Variants in ACVR1 observed in about 807,000 individuals in gnomAD.
ACVR1 encodes the protein activin receptor type-1.
In ACVR1, 38 loss-of-function variants were observed where a neutral mutation model predicts 57.1. That is an observed-to-expected ratio of 0.67 (90% CI 0.51 to 0.87). The LOEUF (loss-of-function observed/expected upper bound fraction) is 0.87. Ranked by LOEUF, ACVR1 falls within the 40% of genes least tolerant of loss-of-function variation. The pLI is 0.00. For synonymous variants in ACVR1, 212 were observed against 228.1 expected (o/e 0.93, Z 0.63); for missense variants, 463 against 638.2 (o/e 0.73, Z 2.96).
chr2:157,747,466 C>G (rs905343149), intron 9 of ACVR1, among the ~76,000 whole-genome samples: 1 of 151,792 alleles, frequency 6.6e-6, no homozygotes, highest in African/African-American at 2.4e-5. Flanking sequence ...AATAAGATGT[C>G]ATGTGACCAT....
At chr2:157,767,598 G>A (rs1204391949) in intron 7 of ACVR1, among the ~76,000 whole-genome samples, 1 of 152,140 alleles carries the variant, frequency 6.6e-6, no homozygotes, top group East Asian at 1.9e-4. Context: ...GAAAATGTAA[G>A]AGAAAATACA....
At chr2:157,849,421 A>G (rs1689224516) in intron 1 of ACVR1, among the ~76,000 whole-genome samples, 1 of 152,234 alleles carries the variant, frequency 6.6e-6, no homozygotes, top group South Asian at 2.1e-4. Flanking sequence ...TCACTATTAT[A>G]AACTTTTTAA....
At chr2:157,851,698 C>G (rs1160202148) in intron 1 of ACVR1, among the ~76,000 whole-genome samples, 3 of 152,112 alleles carry the variant, frequency 2.0e-5, no homozygotes, top group Admixed American at 6.5e-5. Context: ...TAGTAGATAT[C>G]GCATCCCCTA....
chr2:157,823,559 A>G (rs921310942), intron 1 of ACVR1, among the ~76,000 whole-genome samples: 7 of 152,228 alleles, frequency 4.6e-5, no homozygotes, highest in Non-Finnish European at 1.0e-4. Context: ...CAACCAGGCC[A>G]AAGTGGAAAT....
chr2:157,841,923 A>G (rs954418625), intron 1 of ACVR1, among the ~76,000 whole-genome samples: 1 of 147,368 alleles, frequency 6.8e-6, no homozygotes, highest in Non-Finnish European at 1.5e-5. Context: ...GCTACTTGGG[A>G]GGGTGAGGCA....
chr2:157,811,179 T>G (rs1242616550), intron 2 of ACVR1, among the ~76,000 whole-genome samples: 3 of 152,190 alleles, frequency 2.0e-5, no homozygotes. Context: ...CTTTGATCCT[T>G]CTCAGTTTCC....
At chr2:157,847,723 C>T (rs898345215) in intron 1 of ACVR1, among the ~76,000 whole-genome samples, 2 of 152,106 alleles carry the variant, frequency 1.3e-5, no homozygotes, top group Non-Finnish European at 2.9e-5. Flanking sequence ...ACAAGAATTA[C>T]AAACAGTAAT....
chr2:157,765,448 G>A (rs1042158101), intron 8 of ACVR1, among the ~76,000 whole-genome samples: 11 of 152,176 alleles, frequency 7.2e-5, no homozygotes, highest in African/African-American at 2.7e-4. Flanking sequence ...CTGACTGAAT[G>A]AGCCTGAGGT....
chr2:157,848,246 A>T (rs1264517370), intron 1 of ACVR1, among the ~76,000 whole-genome samples: 1 of 152,162 alleles, frequency 6.6e-6, no homozygotes, highest in East Asian at 1.9e-4. Flanking sequence ...AATATGGTGG[A>T]AGTGACACTG....
At chr2:157,860,452 C>T (rs930968760) in intron 1 of ACVR1, among the ~76,000 whole-genome samples, 1 of 152,220 alleles carries the variant, frequency 6.6e-6, no homozygotes, top group Non-Finnish European at 1.5e-5. Flanking sequence ...CAAAGACTTC[C>T]ACTGTGGAAC....
At chr2:157,744,311 GA>G (rs200230055) in intron 9 of ACVR1, among the ~76,000 whole-genome samples, 1,651 of 152,206 alleles carry the variant, frequency 0.011, 18 homozygotes, top group Non-Finnish European at 0.017. Flanking sequence ...TTTAGAGAGG[GA>G]AAAAAAGAAA....
At chr2:157,842,026 CA>C (rs34227882) in intron 1 of ACVR1, among the ~76,000 whole-genome samples, 76 of 99,534 alleles carry the variant, frequency 7.6e-4, no homozygotes, top group African/African-American at 2.0e-3. Context: ...GACTCCATCT[CA>C]AAAAAAAAAA....
chr2:157,801,752 G>A (rs1184352457), intron 2 of ACVR1, among the ~76,000 whole-genome samples: 1 of 152,058 alleles, frequency 6.6e-6, no homozygotes, highest in African/African-American at 2.4e-5. Flanking sequence ...TATATAAAAT[G>A]TATGGCCAAT....
At chr2:157,874,230 A>G (rs577690140) in intron 1 of ACVR1, among the ~76,000 whole-genome samples, 2 of 152,328 alleles carry the variant, frequency 1.3e-5, no homozygotes, top group South Asian at 4.1e-4. Flanking sequence ...CAGTTACATC[A>G]ACTTAAGGCC....
At chr2:157,794,638 A>G (rs1467705932) in intron 3 of ACVR1, among the ~76,000 whole-genome samples, 1 of 152,238 alleles carries the variant, frequency 6.6e-6, no homozygotes, top group Non-Finnish European at 1.5e-5. Flanking sequence ...TAACTAATCC[A>G]AAAGCACATC....
chr2:157,762,904 G>A (rs939077111), intron 8 of ACVR1, among the ~76,000 whole-genome samples: 12 of 152,114 alleles, frequency 7.9e-5, no homozygotes, highest in Non-Finnish European at 1.6e-4. Flanking sequence ...CTGGTTGAGC[G>A]TTCAGATGAT....
chr2:157,745,603 A>T (rs1684936837), intron 9 of ACVR1, among the ~76,000 whole-genome samples: 1 of 152,150 alleles, frequency 6.6e-6, no homozygotes, highest in Non-Finnish European at 1.5e-5. Context: ...AGTCAGGGGG[A>T]AAATAATTCT....
chr2:157,835,400 A>G (rs1688746968), intron 1 of ACVR1, among the ~76,000 whole-genome samples: 1 of 152,230 alleles, frequency 6.6e-6, no homozygotes, highest in African/African-American at 2.4e-5. Flanking sequence ...AGCACTCACA[A>G]CAGAACATGA....
intron 1 of ACVR1, among the ~76,000 whole-genome samples, chr2:157,870,250 A>G (rs1690073506): frequency 8.9e-6 from 1 of 112,456 alleles, no homozygotes; most frequent in African/African-American, 3.3e-5. Flanking sequence ...CCCTCTGTAC[A>G]TTTCTAAAGT....
Sources: gnomAD v4.1 joint callset for allele counts (sites outside exome capture counted in the v4.1 genomes callset) on GRCh38, gnomAD v4.1.1 for gene constraint, MANE v1.5 for transcripts, NCBI Gene and HGNC (gene_info 2026-07-23, HGNC 2026-07-21) for gene names.